Variants in SLC35F4 observed in about 807,000 individuals in gnomAD.
The protein encoded by SLC35F4 is chromosome 14 open reading frame 36.
A neutral mutation model predicts 44.2 loss-of-function variants in SLC35F4; 24 were observed. The observed-to-expected ratio is 0.54, with a 90% CI of 0.39 to 0.76. The LOEUF is 0.76. SLC35F4 is among the 30% of genes least tolerant of loss of function. The pLI is 0.00. For synonymous variants in SLC35F4, 238 were observed against 223.6 expected (o/e 1.06, Z -0.57); for missense variants, 562 against 586.1 (o/e 0.96, Z 0.42).
At chr14:57,625,079 C>T (rs1365443818) in intron 1 of SLC35F4, among the ~76,000 whole-genome samples, 2 of 152,166 alleles carry the variant, frequency 1.3e-5, no homozygotes, top group African/African-American at 4.8e-5. Context: ...CCAAAATCTC[C>T]TTAAGCTGAT....
chr14:57,981,076 C>T (rs1881365436), intron 1 of SLC35F4, among the ~76,000 whole-genome samples: 2 of 152,188 alleles, frequency 1.3e-5, no homozygotes, highest in African/African-American at 4.8e-5. Context: ...TGTTGCCAAA[C>T]TTCTGAGCTC....
At chr14:57,619,978 G>T (rs2072082861) in intron 1 of SLC35F4, among the ~76,000 whole-genome samples, 1 of 151,946 alleles carries the variant, frequency 6.6e-6, no homozygotes, top group Non-Finnish European at 1.5e-5. Flanking sequence ...AAAGCAAGAA[G>T]ACAAGATTAG....
Position 57,865,779 on chromosome 14 carries a change from C to G in SLC35F4, c.47G>C (p.Arg16Pro). The G allele has an allele frequency of 6.6e-7, 1 of 1,523,896 alleles. No individual in the cohort carries two copies. Among genetic ancestry groups the G allele is most frequent in the Non-Finnish European group, 8.8e-7 (1 of 1,142,090 alleles). The allele number at this position is 1,523,896 out of a possible 1,614,324, so 94.4% of individuals were successfully genotyped here. ...APNGVATIED[R>P]ILRITGYYGY... ...ATAGTAGCCGGTGATCCGCAGGATC[C>G]GGTCCTCGATAGTGGCCACCCCGTT... Residue 16 changes from arginine (R) to proline (P), a missense_variant, in exon 1 of 8, where the codon CGG (arginine) becomes CCG (proline). Transcript: ENST00000556826.
At chr14:57,854,492 T>C (rs1595221253) in intron 1 of SLC35F4, among the ~76,000 whole-genome samples, 1 of 152,248 alleles carries the variant, frequency 6.6e-6, no homozygotes, top group Non-Finnish European at 1.5e-5. Flanking sequence ...AAAGGAACAA[T>C]GCTACTTCCA....
At chr14:57,898,921 G>A (rs761139907) in intron 1 of SLC35F4, among the ~76,000 whole-genome samples, 2 of 152,164 alleles carry the variant, frequency 1.3e-5, no homozygotes, top group Non-Finnish European at 2.9e-5. Flanking sequence ...CAGAAGAGCT[G>A]CAGGATCATG....
intron 1 of SLC35F4, among the ~76,000 whole-genome samples, chr14:57,934,812 A>G (rs1342893910): frequency 6.6e-6 from 1 of 152,200 alleles, no homozygotes; most frequent in Non-Finnish European, 1.5e-5. Context: ...GAGCCTGATT[A>G]TTAATCACCG....
chr14:57,664,021 G>A (rs2074227109), intron 1 of SLC35F4, among the ~76,000 whole-genome samples: 1 of 151,942 alleles, frequency 6.6e-6, no homozygotes, highest in Admixed American at 6.6e-5. Flanking sequence ...ATTCCTCATA[G>A]CAGTAGGGCA....
At chr14:57,816,226 C>T (rs151012263) in intron 1 of SLC35F4, among the ~76,000 whole-genome samples, 177 of 152,230 alleles carry the variant, frequency 1.2e-3, no homozygotes, top group African/African-American at 3.9e-3. Context: ...AACTTCATAA[C>T]ACAACGTAAT....
intron 1 of SLC35F4, among the ~76,000 whole-genome samples, chr14:57,947,836 CTTTCA>C (rs768882601): frequency 6.6e-5 from 10 of 152,112 alleles, no homozygotes; most frequent in Non-Finnish European, 1.2e-4. Flanking sequence ...CATTTATTGA[CTTTCA>C]TATGTTAAGC....
chr14:57,845,919 C>T (rs952646674), intron 1 of SLC35F4, among the ~76,000 whole-genome samples: 2 of 152,126 alleles, frequency 1.3e-5, no homozygotes, highest in African/African-American at 2.4e-5. Flanking sequence ...AGGAGAGCCA[C>T]CATGAAATTC....
intron 1 of SLC35F4, among the ~76,000 whole-genome samples, chr14:57,842,512 G>A (rs771901074): frequency 4.0e-5 from 6 of 150,732 alleles, no homozygotes; most frequent in Non-Finnish European, 7.4e-5. Context: ...GACATGGGAG[G>A]GAGAGAGGAG....
At chr14:57,571,198 T>C (rs1370030870) in intron 5 of SLC35F4, among the ~76,000 whole-genome samples, 1 of 152,170 alleles carries the variant, frequency 6.6e-6, no homozygotes, top group Non-Finnish European at 1.5e-5. Flanking sequence ...AAAGTAGAGC[T>C]TTGGGGAATA....
intron 1 of SLC35F4, among the ~76,000 whole-genome samples, chr14:57,961,260 T>C (rs570586488): frequency 6.6e-6 from 1 of 152,290 alleles, no homozygotes; most frequent in East Asian, 1.9e-4. Context: ...TTATTTTTAA[T>C]AATTCATTGG....
chr14:57,842,968 C>T (rs543379583), intron 1 of SLC35F4, among the ~76,000 whole-genome samples: 42 of 152,272 alleles, frequency 2.8e-4, no homozygotes, highest in African/African-American at 1.0e-3. Context: ...CCTTCATCTT[C>T]CACTCATGCT....
chr14:57,776,098 A>AGAAAG (rs1237776813), intron 1 of SLC35F4, among the ~76,000 whole-genome samples: 2 of 152,252 alleles, frequency 1.3e-5, no homozygotes, highest in Admixed American at 1.3e-4. Flanking sequence ...AGAGAATAAA[A>AGAAAG]GAAAGAAAAG....
chr14:57,738,869 G>T (rs903237120), intron 1 of SLC35F4, among the ~76,000 whole-genome samples: 1 of 146,906 alleles, frequency 6.8e-6, no homozygotes, highest in East Asian at 2.0e-4. Context: ...AACATTATGA[G>T]ATATATATAT....
chr14:57,870,124 CTGTGTGTG>C (rs34282878), upstream of SLC35F4, among the ~76,000 whole-genome samples: 42 of 146,168 alleles, frequency 2.9e-4, no homozygotes, highest in African/African-American at 3.7e-4. Flanking sequence ...TGTCTATGAT[CTGTGTGTG>C]TGTGTGTGTG....
intron 1 of SLC35F4, among the ~76,000 whole-genome samples, chr14:57,859,756 CTG>C (rs1231816331): frequency 6.6e-6 from 1 of 152,148 alleles, no homozygotes; most frequent in Non-Finnish European, 1.5e-5. Flanking sequence ...AAACACATAT[CTG>C]GGGTAAAACG....
chr14:57,589,081 G>T, intron 3 of SLC35F4, 135 bp downstream of exon 3: 1 of 896,512 alleles, frequency 1.1e-6, no homozygotes, highest in Non-Finnish European at 1.7e-6. Context: ...TGCTTCTAGT[G>T]CTCGTCTCCA....
Sources: allele counts gnomAD v4.1 joint callset (sites outside exome capture counted in the v4.1 genomes callset), GRCh38; gene constraint gnomAD v4.1.1; transcripts MANE v1.5; gene names NCBI Gene and HGNC (gene_info 2026-07-23, HGNC 2026-07-21).